TNS3: variants seen among roughly 807,000 people sequenced by gnomAD.
TNS3 encodes tensin 3, also known as tensin-3.
TNS3 carries 45 observed loss-of-function variants against 140.9 expected under a neutral mutation model. That is an observed-to-expected ratio of 0.32 (90% CI 0.25 to 0.41). The LOEUF is 0.41. TNS3 is among the 10% of genes least tolerant of loss of function. TNS3 has a pLI of 1.00. For missense variants in TNS3, 1,716 were observed against 1,906.7 expected, an observed-to-expected ratio of 0.90 and a Z score of 1.86; for synonymous variants, 815 against 788.4, an observed-to-expected ratio of 1.03 and a Z score of -0.56.
chr7:47,353,252 C>T (rs775738772), intron 17 of TNS3, among the ~76,000 whole-genome samples: 7 of 152,118 alleles, frequency 4.6e-5, no homozygotes, highest in Admixed American at 6.5e-5. Flanking sequence ...AGACACCCTG[C>T]GGGTTCAGTA....
intron 2 of TNS3, among the ~76,000 whole-genome samples, chr7:47,524,811 GAAAAA>G (rs58986640): frequency 2.2e-5 from 2 of 93,012 alleles, no homozygotes; most frequent in African/African-American, 1.2e-4. Flanking sequence ...TCCGTCTCAA[GAAAAA>G]AAAAAAAAAA....
intron 1 of TNS3, among the ~76,000 whole-genome samples, chr7:47,541,936 G>A (rs796406192): frequency 1.5e-4 from 21 of 143,542 alleles, no homozygotes; most frequent in African/African-American, 5.6e-4. Flanking sequence ...GCAACAGAGC[G>A]AGACTCCATC....
In TNS3 at chr7:47,400,925, G is replaced by A. The variant is rs779998924; in HGVS notation, c.724-11C>T. 1.9e-6 allele frequency: 3 copies of A among 1,613,932 alleles called. No individual in the cohort carries two copies. The highest frequency in any genetic ancestry group is 1.3e-5 in the African/African-American group (1 of 74,926). On this transcript the variant is annotated splice_polypyrimidine_tract_variant and intron_variant, in intron 13 of 30. Transcript: ENST00000311160. ...GTGGTAGCATTTCACCTGGGTTAGAGAGACAAAACAAAACAAAGTAGCTGC... is the reference window on the plus strand; with the variant it reads ...GTGGTAGCATTTCACCTGGGTTAGAAAGACAAAACAAAACAAAGTAGCTGC...
intron 28 of TNS3, among the ~76,000 whole-genome samples, chr7:47,282,249 C>G (rs1474778422): frequency 6.6e-6 from 1 of 150,426 alleles, no homozygotes; most frequent in Non-Finnish European, 1.5e-5. Flanking sequence ...TGAGCCATAC[C>G]CAACTGGGAC....
intron 17 of TNS3, among the ~76,000 whole-genome samples, chr7:47,366,496 T>G (rs1022156112): frequency 6.6e-6 from 1 of 151,714 alleles, no homozygotes; most frequent in African/African-American, 2.4e-5. Flanking sequence ...ACAGATGGAG[T>G]GAAGAGAAAT....
intron 2 of TNS3, among the ~76,000 whole-genome samples, chr7:47,521,096 T>C (rs1338658915): frequency 1.3e-5 from 2 of 152,090 alleles, no homozygotes; most frequent in Non-Finnish European, 2.9e-5. Context: ...CATCGCATCA[T>C]AGTAGGGGCA....
intron 1 of TNS3, among the ~76,000 whole-genome samples, chr7:47,571,712 T>A (rs776097228): frequency 2.0e-5 from 3 of 152,226 alleles, no homozygotes; most frequent in Non-Finnish European, 2.9e-5. Context: ...AGCTGGAACC[T>A]TTTTGGCTAC....
intron 1 of TNS3, chr7:47,539,228 C>T (rs1799712542): frequency 2.3e-6 from 1 of 430,556 alleles, no homozygotes; most frequent in Admixed American, 2.5e-5. Flanking sequence ...CAGCCCACTG[C>T]CTATGCAAGC....
intron 3 of TNS3, among the ~76,000 whole-genome samples, chr7:47,491,251 T>C (rs999584470): frequency 2.0e-5 from 3 of 152,172 alleles, no homozygotes; most frequent in Non-Finnish European, 2.9e-5. Context: ...TAAACAAATA[T>C]GTATTTTAAA....
chr7:47,293,430 G>A (rs1785827895), intron 25 of TNS3, among the ~76,000 whole-genome samples: 1 of 152,288 alleles, frequency 6.6e-6, no homozygotes, highest in African/African-American at 2.4e-5. Flanking sequence ...GGGTCATGCT[G>A]GAGCTCCAAC....
intron 5 of TNS3, 71 bp from the exon 6 acceptor site, chr7:47,439,729 G>C: frequency 1.3e-6 from 2 of 1,532,922 alleles, no homozygotes; most frequent in South Asian, 2.4e-5. Flanking sequence ...TAGGAAAAAG[G>C]TGAAGACGAC....
At chr7:47,285,167 C>T (rs922033181) in intron 27 of TNS3, among the ~76,000 whole-genome samples, 4 of 152,340 alleles carry the variant, frequency 2.6e-5, no homozygotes, top group Admixed American at 6.5e-5. Flanking sequence ...CTGGGTGTCA[C>T]AGTGCAGGGT....
intron 20 of TNS3, among the ~76,000 whole-genome samples, chr7:47,310,579 A>G (rs533637984): frequency 6.6e-6 from 1 of 152,236 alleles, no homozygotes; most frequent in Non-Finnish European, 1.5e-5. Context: ...AGGAAACATG[A>G]CAAATGAAAA....
intron 15 of TNS3, among the ~76,000 whole-genome samples, chr7:47,397,642 A>G (rs187106762): frequency 6.6e-6 from 1 of 152,356 alleles, no homozygotes; most frequent in Non-Finnish European, 1.5e-5. Context: ...ATGAATGATA[A>G]TAGTGACACA....
At chr7:47,347,032 C>G (rs1004104919) in intron 17 of TNS3, among the ~76,000 whole-genome samples, 1 of 152,092 alleles carries the variant, frequency 6.6e-6, no homozygotes, top group Non-Finnish European at 1.5e-5. Context: ...TTTCTAAAAC[C>G]TCTTCCCAGG....
chr7:47,557,686 A>C (rs570575238), intron 1 of TNS3, among the ~76,000 whole-genome samples: 1 of 152,262 alleles, frequency 6.6e-6, no homozygotes, highest in Non-Finnish European at 1.5e-5. Flanking sequence ...TAATAATTGG[A>C]GGCGCTGGGG....
At chr7:47,343,294 C>T (rs1477485465) in intron 20 of TNS3, among the ~76,000 whole-genome samples, 1 of 152,232 alleles carries the variant, frequency 6.6e-6, no homozygotes, top group Non-Finnish European at 1.5e-5. Flanking sequence ...CTGCAGCCTC[C>T]TAGACCCTTC....
Position 47,392,384 on chromosome 7 carries a change from A to C in TNS3, c.1024+4416T>G, listed in dbSNP as rs75161356. Reference sequence around the variant, plus strand: ...GCGCTCCCCTAACAGGCCCAGATTGAAGGCAGCTGCAGAGGGCTCCATTCC... The same window carrying C: ...GCGCTCCCCTAACAGGCCCAGATTGCAGGCAGCTGCAGAGGGCTCCATTCC... On this transcript the variant is annotated intron_variant, in intron 16 of 30. Coordinates refer to ENST00000311160, the MANE Select transcript of TNS3 (RefSeq NM_022748.12). Among the ~76,000 whole-genome samples the C allele has an allele frequency of 0.017, 2,544 of 152,320 alleles. 130 individuals carry two copies. The East Asian group carries it at 0.18, about 11-fold the overall frequency.
At chr7:47,339,510 G>T (rs963463130) in intron 20 of TNS3, among the ~76,000 whole-genome samples, 1 of 152,092 alleles carries the variant, frequency 6.6e-6, no homozygotes, top group African/African-American at 2.4e-5. Context: ...ATCTGTGTAG[G>T]CCTGTTTCTG....
Sources: allele counts gnomAD v4.1 joint callset (sites outside exome capture counted in the v4.1 genomes callset), GRCh38; gene constraint gnomAD v4.1.1; transcripts MANE v1.5; gene names NCBI Gene and HGNC (gene_info 2026-07-23, HGNC 2026-07-21).